The following CACNB2 variants were observed in gnomAD, a reference collection of about 807,000 sequenced individuals.
CACNB2 encodes voltage-dependent L-type calcium channel subunit beta-2.
Under a neutral mutation model 73.3 loss-of-function variants are expected in CACNB2, and 42 were observed. The ratio of observed to expected loss-of-function variants is 0.57; its 90% CI spans 0.45 to 0.74. The LOEUF (loss-of-function observed/expected upper bound fraction) is 0.74. Among genes scored for constraint, CACNB2 ranks in the 30% least tolerant of loss-of-function variants. CACNB2 has a pLI of 0.00. For synonymous variants in CACNB2, 348 were observed against 310.3 expected, an observed-to-expected ratio of 1.12 and a Z score of -1.28; for missense variants, 940 against 853.0, an observed-to-expected ratio of 1.10 and a Z score of -1.27.
intron 2 of CACNB2, among the ~76,000 whole-genome samples, chr10:18,306,798 G>A (rs1409188552): frequency 1.3e-5 from 2 of 152,166 alleles, no homozygotes; most frequent in Non-Finnish European, 2.9e-5. Context: ...GATTCCGGGA[G>A]GTTAATGGAC....
chr10:18,272,565 C>T (rs368010723), intron 2 of CACNB2, among the ~76,000 whole-genome samples: 1 of 152,160 alleles, frequency 6.6e-6, no homozygotes, highest in African/African-American at 2.4e-5. Flanking sequence ...TAATAATCCC[C>T]ACGAGTCATG....
At chr10:18,284,256 C>A (rs2038689713) in intron 2 of CACNB2, among the ~76,000 whole-genome samples, 1 of 152,056 alleles carries the variant, frequency 6.6e-6, no homozygotes, top group African/African-American at 2.4e-5. Flanking sequence ...ACCATCAGGG[C>A]TCATGAGACT....
At chr10:18,219,440 A>G (rs1188632736) in intron 2 of CACNB2, among the ~76,000 whole-genome samples, 1 of 152,204 alleles carries the variant, frequency 6.6e-6, no homozygotes, top group African/African-American at 2.4e-5. Flanking sequence ...TCCAAAGACT[A>G]AATATTGTTA....
At position 18,315,319 on chromosome 10, in the gene CACNB2, G is replaced by A. The variant is rs1280196729; in HGVS notation, c.214-86605G>A. 4.1e-5 allele frequency among the ~76,000 whole-genome samples: 6 copies of A among 147,740 alleles called. No homozygotes were observed. In the Admixed American group the frequency reaches 4.2e-4, roughly 10 times the overall value. On this transcript the variant is annotated intron_variant, in intron 2 of 13. Coordinates refer to ENST00000324631, the MANE Select transcript of CACNB2 (RefSeq NM_201596.3). ...ACTGCACTCCAGCCTGGGCAACAGA[G>A]CGAGACTCTGTCAAAAACAAAACAA...
At chr10:18,503,099 G>T (rs2050297473) in intron 5 of CACNB2, among the ~76,000 whole-genome samples, 1 of 151,988 alleles carries the variant, frequency 6.6e-6, no homozygotes, top group South Asian at 2.1e-4. Flanking sequence ...ATTTTGATAT[G>T]CAATATTAAA....
In CACNB2 at chr10:18,539,984, G is replaced by T; in HGVS notation, c.*260G>T. 1 of 386,884 alleles carries T rather than the reference G, an allele frequency of 2.6e-6. No individual in the cohort carries two copies. Among genetic ancestry groups the T allele is most frequent in the South Asian group, 3.3e-5 (1 of 30,288 alleles). 24.0% of individuals were successfully genotyped at this position (386,884 alleles called of 1,614,324 possible). ...CTGGACTCTTCAAAAACTGTTTTGGGTAGCTGCCACTTGAACAAAATCTGT... is the reference window on the plus strand; with the variant it reads ...CTGGACTCTTCAAAAACTGTTTTGGTTAGCTGCCACTTGAACAAAATCTGT... On this transcript the variant is annotated 3_prime_UTR_variant, in exon 14 of 14. Transcript: ENST00000324631.
intron 2 of CACNB2, among the ~76,000 whole-genome samples, chr10:18,220,060 C>T (rs1211373757): frequency 1.4e-5 from 2 of 143,600 alleles, no homozygotes; most frequent in African/African-American, 5.0e-5. Context: ...AGCCACCACC[C>T]CTGGCCAAAT....
In CACNB2 at chr10:18,433,737, G is replaced by A. The variant is rs146005930; in HGVS notation, c.333+31694G>A. 4.9e-4 allele frequency among the ~76,000 whole-genome samples: 74 copies of A among 152,176 alleles called. 1 individual carries two copies. Among genetic ancestry groups the A allele is most frequent in the African/African-American group, 1.6e-3 (66 of 41,534 alleles). On this transcript the variant is annotated intron_variant, in intron 3 of 13. Transcript: ENST00000324631. ...AAGAGTGGAACAAGGAGTCCAATCT[G>A]TAACTTGTAGCTACATTACAAAAAT...
intron 3 of CACNB2, among the ~76,000 whole-genome samples, chr10:18,493,556 A>G (rs1160495950): frequency 2.0e-5 from 3 of 152,202 alleles, no homozygotes; most frequent in East Asian, 1.9e-4. Flanking sequence ...GGATGACTAT[A>G]CACCCAATAC....
intron 2 of CACNB2, among the ~76,000 whole-genome samples, chr10:18,249,254 T>A (rs576795484): frequency 6.6e-5 from 10 of 152,338 alleles, no homozygotes; most frequent in Admixed American, 5.9e-4. Context: ...AGAGTCTATC[T>A]GAGCCAACCA....
intron 2 of CACNB2, among the ~76,000 whole-genome samples, chr10:18,397,368 G>C (rs991120086): frequency 6.6e-6 from 1 of 152,170 alleles, no homozygotes. Flanking sequence ...TGGAGGCTGA[G>C]GCAGGAGAAT....
intron 10 of CACNB2, among the ~76,000 whole-genome samples, chr10:18,532,293 A>G (rs930589829): frequency 2.4e-4 from 36 of 152,292 alleles, no homozygotes; most frequent in African/African-American, 6.5e-4. Flanking sequence ...ATATGTGTAT[A>G]TATTAAAACA....
intron 2 of CACNB2, among the ~76,000 whole-genome samples, chr10:18,165,212 C>G (rs2032765059): frequency 6.6e-6 from 1 of 152,082 alleles, no homozygotes; most frequent in Non-Finnish European, 1.5e-5. Flanking sequence ...TTGAAATGTT[C>G]TAGGAGAAGA....
At chr10:18,161,298 T>C (rs1333660530) in intron 2 of CACNB2, among the ~76,000 whole-genome samples, 1 of 152,222 alleles carries the variant, frequency 6.6e-6, no homozygotes, top group African/African-American at 2.4e-5. Flanking sequence ...ATTAATATTT[T>C]CTTATATCCT....
intron 2 of CACNB2, among the ~76,000 whole-genome samples, chr10:18,289,461 A>AT (rs145812820): frequency 0.13 from 19,469 of 151,156 alleles, 1,550 homozygotes; most frequent in South Asian, 0.18. Flanking sequence ...CACCCAGCTA[A>AT]TTTTTTGTAT....
intron 2 of CACNB2, among the ~76,000 whole-genome samples, chr10:18,352,677 T>C (rs1313270357): frequency 6.6e-6 from 1 of 152,216 alleles, no homozygotes; most frequent in African/African-American, 2.4e-5. Context: ...ATAGGTTTCG[T>C]TGCAAAAATG....
At chr10:18,237,229 C>A (rs2036480762) in intron 2 of CACNB2, among the ~76,000 whole-genome samples, 1 of 151,990 alleles carries the variant, frequency 6.6e-6, no homozygotes, top group Non-Finnish European at 1.5e-5. Context: ...GGTCATAATC[C>A]CCAGTACTTA....
At chr10:18,335,436 A>G (rs1413112073) in intron 2 of CACNB2, among the ~76,000 whole-genome samples, 4 of 152,158 alleles carry the variant, frequency 2.6e-5, no homozygotes, top group Non-Finnish European at 5.9e-5. Flanking sequence ...CAACAACAAC[A>G]AAAATAATTA....
chr10:18,442,165 T>C (rs2046440264), intron 3 of CACNB2, among the ~76,000 whole-genome samples: 1 of 151,598 alleles, frequency 6.6e-6, no homozygotes, highest in Non-Finnish European at 1.5e-5. Context: ...CTTTTTTTTA[T>C]TGAGACGGAG....
Sources: allele counts gnomAD v4.1 joint callset (sites outside exome capture counted in the v4.1 genomes callset), GRCh38; gene constraint gnomAD v4.1.1; transcripts MANE v1.5; gene names NCBI Gene and HGNC (gene_info 2026-07-23, HGNC 2026-07-21).